TACC1: variants seen among roughly 807,000 people sequenced by gnomAD.
The protein encoded by TACC1 is transforming acidic coiled-coil containing protein 1.
TACC1 carries 48 observed loss-of-function variants against 84.4 expected under a neutral mutation model. The ratio of observed to expected loss-of-function variants is 0.57; its 90% CI spans 0.45 to 0.72. TACC1 has a LOEUF of 0.72. Ranked by LOEUF, TACC1 falls within the 30% of genes least tolerant of loss-of-function variation. The probability of loss-of-function intolerance (pLI) is 0.00; values close to 1 mark genes in which losing one functional copy is unlikely to be tolerated. For synonymous variants in TACC1, 372 were observed against 376.3 expected, an observed-to-expected ratio of 0.99 and a Z score of 0.13; for missense variants, 920 against 973.0, an observed-to-expected ratio of 0.95 and a Z score of 0.72.
chr8:38,751,729 C>A (rs1809069384), intron 3 of TACC1, among the ~76,000 whole-genome samples: 1 of 152,018 alleles, frequency 6.6e-6, no homozygotes, highest in South Asian at 2.1e-4. Flanking sequence ...CTTTTATATG[C>A]ACCGAGAAAC....
chr8:38,770,286 C>T (rs1457092333), intron 3 of TACC1, among the ~76,000 whole-genome samples: 3 of 152,020 alleles, frequency 2.0e-5, no homozygotes, highest in African/African-American at 4.8e-5. Flanking sequence ...GTTTTGATGC[C>T]GCATTGTTTA....
chr8:38,783,072 ATCTATC>A (rs1377875761), upstream of TACC1, among the ~76,000 whole-genome samples: 1 of 78,444 alleles, frequency 1.3e-5, no homozygotes, highest in African/African-American at 5.6e-5. Flanking sequence ...GTAAATATCT[ATCTATC>A]TATCTATCTA....
chr8:38,807,087 G>T (rs896579118), intron 2 of TACC1, among the ~76,000 whole-genome samples: 30 of 152,212 alleles, frequency 2.0e-4, no homozygotes, highest in Non-Finnish European at 4.0e-4. Context: ...TGTAAGGAGT[G>T]TGCAGAGCTT....
chr8:38,793,587 G>A (rs1025742204), intron 2 of TACC1, among the ~76,000 whole-genome samples: 8 of 151,928 alleles, frequency 5.3e-5, no homozygotes, highest in African/African-American at 1.9e-4. Flanking sequence ...AAATTTCAGG[G>A]CCCATCAAGT....
rs777598743 is a variant in TACC1 at position 38,787,669 on chromosome 8, G to A, written c.87G>A (p.Glu29=). 57 of 1,550,164 alleles carry A rather than the reference G, an allele frequency of 3.7e-5. No individual in the cohort carries two copies. Among genetic ancestry groups the A allele is most frequent in the Non-Finnish European group, 5.0e-5 (57 of 1,150,940 alleles). The part of the protein sequence containing the change: ...WSAVRGGAAG[E]DEAGGPEGDP... ...CGGTACGCGGCGGGGCCGCCGGCGA[G>A]GACGAGGCTGGCGGGCCCGAGGGCG... Residue 29 remains glutamate (E), a synonymous_variant, in exon 1 of 13, where the codon GAG becomes GAA. Coordinates refer to ENST00000317827, the MANE Select transcript of TACC1 (RefSeq NM_006283.3).
At chr8:38,734,567 A>G (rs1050459127) in intron 1 of TACC1, among the ~76,000 whole-genome samples, 3 of 152,214 alleles carry the variant, frequency 2.0e-5, no homozygotes, top group Admixed American at 6.5e-5. Flanking sequence ...AGCAGACACG[A>G]TACAGAACAA....
chr8:38,825,561 ACT>A (rs1286814763), intron 4 of TACC1, among the ~76,000 whole-genome samples, 193 bp downstream of exon 4: 1 of 146,992 alleles, frequency 6.8e-6, no homozygotes, highest in African/African-American at 2.5e-5. Flanking sequence ...TTTCACAATG[ACT>A]CTTTTTTTTT....
chr8:38,808,604 G>T (rs1160067680), intron 2 of TACC1, among the ~76,000 whole-genome samples: 1 of 152,122 alleles, frequency 6.6e-6, no homozygotes, highest in African/African-American at 2.4e-5. Context: ...TTGTAGAGAT[G>T]GGGTTTCACC....
chr8:38,802,542 C>T (rs1821641573), intron 2 of TACC1, among the ~76,000 whole-genome samples: 1 of 152,218 alleles, frequency 6.6e-6, no homozygotes, highest in East Asian at 1.9e-4. Context: ...AAATTGTCTT[C>T]CATGAAACCG....
chr8:38,810,808 A>G (rs529381811), intron 2 of TACC1, among the ~76,000 whole-genome samples: 1 of 152,110 alleles, frequency 6.6e-6, no homozygotes, highest in South Asian at 2.1e-4. Flanking sequence ...TACTTATTCA[A>G]CATCTCTGCT....
intron 3 of TACC1, among the ~76,000 whole-genome samples, chr8:38,748,003 A>G (rs1223768527): frequency 2.0e-5 from 3 of 152,128 alleles, no homozygotes; most frequent in Non-Finnish European, 4.4e-5. Context: ...TTAGCTGTGA[A>G]TCTAAAACTG....
intron 3 of TACC1, among the ~76,000 whole-genome samples, chr8:38,766,789 G>A (rs1342267258): frequency 6.6e-6 from 1 of 152,138 alleles, no homozygotes; most frequent in Non-Finnish European, 1.5e-5. Context: ...AGAAACTAAG[G>A]CCACAGAGCT....
At position 38,787,634 on chromosome 8, in the gene TACC1, A is replaced by G. The variant is rs1257543191; in HGVS notation, c.52A>G (p.Thr18Ala). Residue 18 changes from threonine to alanine, a missense_variant, in exon 1 of 13, where the codon ACG becomes GCG. Physicochemically the swap from Thr to Ala is moderately conservative, Grantham distance 58 (BLOSUM62 0). Coordinates refer to ENST00000317827, the MANE Select transcript of TACC1 (RefSeq NM_006283.3). Reference sequence around the variant, plus strand: ...GTCCCCCGTGCAGTGGGCGAAATGGACGTGGTCTGCGGTACGCGGCGGGGC... The same window carrying G: ...GTCCCCCGTGCAGTGGGCGAAATGGGCGTGGTCTGCGGTACGCGGCGGGGC... ...ILSPVQWAKW[T>A]WSAVRGGAAG... 2 of 1,548,832 alleles carry G rather than the reference A, an allele frequency of 1.3e-6. No individual in the cohort carries two copies. Among genetic ancestry groups the G allele is most frequent in the Non-Finnish European group, 1.7e-6 (2 of 1,146,666 alleles).
chr8:38,770,605 G>GC (rs1187285338), intron 3 of TACC1, among the ~76,000 whole-genome samples: 1 of 152,202 alleles, frequency 6.6e-6, no homozygotes, highest in Non-Finnish European at 1.5e-5. Context: ...GAGGAGCAGT[G>GC]CCCTTGGAGT....
intron 3 of TACC1, among the ~76,000 whole-genome samples, chr8:38,780,824 A>T (rs1403113968): frequency 2.6e-5 from 4 of 152,176 alleles, no homozygotes; most frequent in Non-Finnish European, 5.9e-5. Context: ...GGACCAAAAT[A>T]CAGTAATCAA....
intron 11 of TACC1, chr8:38,846,461 G>C: frequency 3.0e-6 from 1 of 334,076 alleles, no homozygotes; most frequent in South Asian, 4.5e-5. Flanking sequence ...AAAAATCTAA[G>C]ACTGTTATAG....
chr8:38,730,189 C>T (rs927772433), intron 1 of TACC1, among the ~76,000 whole-genome samples: 3 of 152,224 alleles, frequency 2.0e-5, no homozygotes, highest in Non-Finnish European at 4.4e-5. Context: ...GCTCTTACTC[C>T]GTCCTCCCAT....
chr8:38,839,400 C>A (rs116095008), intron 8 of TACC1: 3 of 392,540 alleles, frequency 7.6e-6, no homozygotes, highest in South Asian at 2.6e-4. Context: ...ATAAATAATT[C>A]ACACACAGTG....
At chr8:38,767,638 A>C (rs1304087989) in intron 3 of TACC1, among the ~76,000 whole-genome samples, 2 of 152,226 alleles carry the variant, frequency 1.3e-5, no homozygotes, top group African/African-American at 4.8e-5. Flanking sequence ...GATGCCAGCC[A>C]CCATCCACTA....
Sources: gnomAD v4.1 joint callset for allele counts (sites outside exome capture counted in the v4.1 genomes callset) on GRCh38, gnomAD v4.1.1 for gene constraint, MANE v1.5 for transcripts, NCBI Gene and HGNC (gene_info 2026-07-23, HGNC 2026-07-21) for gene names.